Variants in COL19A1 observed in about 807,000 individuals in gnomAD.
The protein encoded by COL19A1 is collagen alpha-1(XIX) chain.
COL19A1 carries 159 observed loss-of-function variants against 190.2 expected under a neutral mutation model. The observed-to-expected ratio is 0.84, with a 90% confidence interval of 0.73 to 0.95. The LOEUF (loss-of-function observed/expected upper bound fraction) is 0.95, where lower values mean the gene tolerates loss of function less well. Ranked by LOEUF, COL19A1 falls within the 40% of genes least tolerant of loss-of-function variation. COL19A1 has a pLI of 0.00. For synonymous variants in COL19A1, 509 were observed against 458.9 expected (o/e 1.11, Z -1.39); for missense variants, 1,418 against 1,431.9 (o/e 0.99, Z 0.16).
intron 16 of COL19A1, among the ~76,000 whole-genome samples, chr6:70,113,696 ATCTT>A (rs1408235633): frequency 2.6e-5 from 4 of 151,926 alleles, no homozygotes; most frequent in African/African-American, 9.7e-5. Context: ...CCTAACTCTG[ATCTT>A]TCTTTCTCCT....
At chr6:69,988,907 A>G (rs1776450564) in intron 11 of COL19A1, among the ~76,000 whole-genome samples, 1 of 152,110 alleles carries the variant, frequency 6.6e-6, no homozygotes, top group East Asian at 1.9e-4. Context: ...TTCCTTTCAC[A>G]TCTGCTTTTC....
chr6:70,151,664 G>T (rs968937347), intron 31 of COL19A1, among the ~76,000 whole-genome samples: 4 of 152,076 alleles, frequency 2.6e-5, no homozygotes, highest in African/African-American at 9.7e-5. Context: ...TTTTGGGTGG[G>T]GCAGGGGTGG....
chr6:69,936,973 A>C lies in COL19A1; in HGVS notation c.873+63A>C, dbSNP rs2150020535. ...CCAGACTATGAGCCCAGCTCCTTGA[A>C]TGTGGCCTCTGTTCACAGAATGTGT... is the stretch of plus-strand genomic sequence containing the variant. On this transcript the variant is annotated intron_variant, in intron 8 of 50. Coordinates refer to ENST00000620364, the MANE Select transcript of COL19A1 (RefSeq NM_001858.6). The C allele has an allele frequency of 7.6e-6, 12 of 1,578,704 alleles. 1 individual carries two copies. In the South Asian group the frequency reaches 1.3e-4, roughly 17 times the overall value.
chr6:69,963,162 A>G (rs1038447542), intron 11 of COL19A1, among the ~76,000 whole-genome samples: 9 of 152,208 alleles, frequency 5.9e-5, no homozygotes, highest in Non-Finnish European at 1.2e-4. Flanking sequence ...ATATTATGAA[A>G]TCATTCACTC....
In COL19A1 at chr6:70,151,243, T is replaced by G. The variant is rs3818327; in HGVS notation, c.2038-154T>G. Among the ~76,000 whole-genome samples, 79,079 of 152,068 alleles carry G rather than the reference T, an allele frequency of 0.52. 21,978 individuals carry two copies. The highest frequency in any genetic ancestry group is 0.73 in the African/African-American group (30,092 of 41,480). On this transcript the variant is annotated intron_variant, in intron 30 of 50. Coordinates refer to ENST00000620364, the MANE Select transcript of COL19A1 (RefSeq NM_001858.6). ...TATCAGTGCCATGTGCACATTTCTT[T>G]ATACGAAACATAATGTTAAGCCAGT...
At chr6:69,984,793 A>G (rs1776226580) in intron 11 of COL19A1, among the ~76,000 whole-genome samples, 1 of 152,080 alleles carries the variant, frequency 6.6e-6, no homozygotes, top group Non-Finnish European at 1.5e-5. Context: ...TTGAAAGATT[A>G]TTTGTTTCCT....
At chr6:69,919,619 T>C (rs528842782) in intron 4 of COL19A1, among the ~76,000 whole-genome samples, 1 of 152,266 alleles carries the variant, frequency 6.6e-6, no homozygotes, top group South Asian at 2.1e-4. Flanking sequence ...ATGAAGTTAA[T>C]ATGGAATTTG....
chr6:70,172,778 T>C (rs546615352), intron 41 of COL19A1, among the ~76,000 whole-genome samples: 3 of 152,330 alleles, frequency 2.0e-5, no homozygotes, highest in Non-Finnish European at 4.4e-5. Context: ...GTAAGGCCTT[T>C]ATCTTTCAAT....
At chr6:70,175,907 C>A (rs1051741697) in intron 41 of COL19A1, among the ~76,000 whole-genome samples, 2 of 152,154 alleles carry the variant, frequency 1.3e-5, no homozygotes, top group Middle Eastern at 3.4e-3. Flanking sequence ...AGTTTCTGCC[C>A]CCAAAAATTG....
At chr6:70,022,383 A>G (rs1201673384) in intron 11 of COL19A1, among the ~76,000 whole-genome samples, 1 of 152,214 alleles carries the variant, frequency 6.6e-6, no homozygotes. Flanking sequence ...AAAGTGAAGG[A>G]AAAAAATCAT....
rs868593160 is a variant in COL19A1 at position 70,156,387 on chromosome 6, C to T, written c.2238+18C>T. 5.6e-6 allele frequency: 9 copies of T among 1,611,950 alleles called. No individual in the cohort carries two copies. The Middle Eastern group carries it at 1.5e-3, about 273-fold the overall frequency. ...GACCAAAGGTAAGAAATTCTCTCCT[C>T]CACTTTCCCCTGTGGGAACCTCAAT... On this transcript the variant is annotated intron_variant, in intron 33 of 50. Coordinates refer to ENST00000620364, the MANE Select transcript of COL19A1 (RefSeq NM_001858.6).
chr6:70,152,278 A>G (rs73746877), intron 31 of COL19A1, among the ~76,000 whole-genome samples: 1 of 152,048 alleles, frequency 6.6e-6, no homozygotes, highest in African/African-American at 2.4e-5. Context: ...TATATATATA[A>G]TTTAGTTTGT....
At chr6:69,983,025 A>T (rs1026993347) in intron 11 of COL19A1, among the ~76,000 whole-genome samples, 16 of 144,160 alleles carry the variant, frequency 1.1e-4, no homozygotes, top group South Asian at 4.5e-4. Flanking sequence ...AATAAATATA[A>T]AATAAAATCA....
intron 19 of COL19A1, among the ~76,000 whole-genome samples, chr6:70,139,138 C>T (rs543581281): frequency 2.6e-5 from 4 of 152,080 alleles, no homozygotes; most frequent in Admixed American, 6.6e-5. Context: ...TGAGTTAGAG[C>T]GGTGCTTCTC....
chr6:69,995,949 C>A (rs553343893), intron 11 of COL19A1, among the ~76,000 whole-genome samples: 2 of 152,052 alleles, frequency 1.3e-5, no homozygotes, highest in Non-Finnish European at 2.9e-5. Context: ...GAAAGAATTA[C>A]GAACAATTTG....
chr6:70,128,856 T>G (rs948521972), intron 17 of COL19A1, among the ~76,000 whole-genome samples: 1 of 152,198 alleles, frequency 6.6e-6, no homozygotes, highest in Non-Finnish European at 1.5e-5. Flanking sequence ...GAAGAAGGTT[T>G]ACAACTTGGC....
chr6:69,899,508 G>A (rs1770018015), intron 3 of COL19A1, among the ~76,000 whole-genome samples: 1 of 151,724 alleles, frequency 6.6e-6, no homozygotes, highest in African/African-American at 2.4e-5. Flanking sequence ...GGTTCTATAT[G>A]TTTAATCTGT....
At chr6:69,930,710 C>T (rs547907796) in intron 6 of COL19A1, among the ~76,000 whole-genome samples, 7 of 152,086 alleles carry the variant, frequency 4.6e-5, no homozygotes, top group East Asian at 1.9e-4. Flanking sequence ...CCCAGCTACT[C>T]GGGAGGCTGA....
chr6:70,163,247 G>A, intron 35 of COL19A1, 96 bp from the exon 36 acceptor site: 1 of 1,063,320 alleles, frequency 9.4e-7, no homozygotes, highest in Non-Finnish European at 1.4e-6. Flanking sequence ...AGGATCAAAT[G>A]ACCTTCAAAA....
Sources: allele counts gnomAD v4.1 joint callset (sites outside exome capture counted in the v4.1 genomes callset), GRCh38; gene constraint gnomAD v4.1.1; transcripts MANE v1.5; gene names NCBI Gene and HGNC (gene_info 2026-07-23, HGNC 2026-07-21).